ZNF335: variants seen among roughly 807,000 people sequenced by gnomAD.
The protein encoded by ZNF335 is NRC-interacting factor 1.
In ZNF335, 84 loss-of-function variants were observed where a neutral mutation model predicts 145.6. The ratio of observed to expected loss-of-function variants is 0.58; its 90% CI spans 0.48 to 0.69. ZNF335 has a LOEUF of 0.69. ZNF335 is among the 30% of genes least tolerant of loss of function. The pLI is 0.00. For synonymous variants in ZNF335, 761 were observed against 717.0 expected (o/e 1.06, Z -0.98); for missense variants, 1,865 against 1,809.7 (o/e 1.03, Z -0.55).
At chr20:45,954,763 A>G (rs1403855874) in intron 17 of ZNF335, among the ~76,000 whole-genome samples, 2 of 144,818 alleles carry the variant, frequency 1.4e-5, no homozygotes, top group Non-Finnish European at 3.0e-5. Context: ...TTACGGTCAT[A>G]CAATTACTTT....
rs1397973180 is a variant in ZNF335, at chr20:45,971,848, C to G, written c.-51+274G>C. The G allele has an allele frequency of 5.1e-6, 5 of 985,310 alleles. No homozygotes were observed. The African/African-American group carries it at 8.7e-5, about 17-fold the overall frequency. 61.0% of individuals were successfully genotyped at this position (985,310 alleles called of 1,614,324 possible). A position where few individuals can be genotyped will look rare whatever the true frequency, so the allele number is the denominator to read the frequency against. ...CCTGGGTCAGTGGTTCGCTCCCCCC[C>G]GGTTCCCCTGCGGAGGCGGCTGACA... On this transcript the variant is annotated intron_variant, in intron 1 of 27. Coordinates refer to ENST00000322927, the MANE Select transcript of ZNF335 (RefSeq NM_022095.4).
At position 45,965,687 on chromosome 20, in the gene ZNF335, C is replaced by T. The variant is rs761556575; in HGVS notation, c.1043G>A (p.Arg348Gln). ...CTTCCGGGGCCGGCCAGGTCTCCTT[C>T]GGGGCCTTGGGGTACTGGGGGTGGG... Reference protein sequence around the residue: ...QRPTPSTPRPRRRPGRPRKLP... With the variant: ...QRPTPSTPRPQRRPGRPRKLP... Residue 348 changes from arginine to glutamine, a missense_variant, in exon 7 of 28, where the codon CGA (arginine) becomes CAA (glutamine). Transcript: ENST00000322927. 100 of 1,601,304 alleles carry T rather than the reference C, an allele frequency of 6.2e-5. No homozygotes were observed. The highest frequency in any genetic ancestry group is 1.7e-4 in the Middle Eastern group (1 of 5,948).
At chr20:45,953,456 G>A (rs1386469179) in intron 18 of ZNF335, among the ~76,000 whole-genome samples, 2 of 152,230 alleles carry the variant, frequency 1.3e-5, no homozygotes, top group African/African-American at 4.8e-5. Flanking sequence ...AGGGAAATCT[G>A]GGTCTCATGG....
Position 45,957,906 on chromosome 20 carries a change from A to C in ZNF335, c.2276T>G (p.Phe759Cys), listed in dbSNP as rs1169939431. ...CAATGAGGGAGCCTCAGATGACTGG[A>C]AAGTTGTCGCCTCTGGGGGTATCTA... ...PPEIPPEATT[F>C]QSSEAPSLLC... The change falls in exon 16 of 28, where the codon TTC becomes TGC. Residue 759 changes from phenylalanine (F) to cysteine (C), a missense_variant. Coordinates refer to ENST00000322927, the MANE Select transcript of ZNF335 (RefSeq NM_022095.4). The C allele has an allele frequency of 6.2e-7, 1 of 1,613,910 alleles. No individual in the cohort carries two copies. The highest frequency in any genetic ancestry group is 2.2e-5 in the East Asian group (1 of 44,898).
rs2145395355 is a variant in ZNF335 at position 45,962,173 on chromosome 20, A to G, written c.1543T>C (p.Phe515Leu). The change falls in exon 10 of 28, where the codon TTC (phenylalanine) becomes CTC (leucine). Residue 515 changes from phenylalanine to leucine, a missense_variant. By Grantham distance (22) the Phe-to-Leu change is conservative. Transcript: ENST00000322927. ...TAGGGCTTGCTGCCCACGTGGTTGA[A>G]CATGTGCTCCTGGGAGACAGACAAA... ...RRWSSLKEHM[F>L]NHVGSKPYKC... 1 of 1,614,052 alleles carries G rather than the reference A, an allele frequency of 6.2e-7. No homozygotes were observed. Among genetic ancestry groups the G allele is most frequent in the East Asian group, 2.2e-5 (1 of 44,882 alleles).
chr20:45,958,504 CA>C (rs2083769152), intron 15 of ZNF335, among the ~76,000 whole-genome samples: 1 of 152,204 alleles, frequency 6.6e-6, no homozygotes, highest in Non-Finnish European at 1.5e-5. Flanking sequence ...GATCTACCAG[CA>C]AGTCATGTGG....
Position 45,957,901 on chromosome 20 carries a change from A to G in ZNF335, c.2281T>C (p.Ser761Pro). ...CAGAGCAATGAGGGAGCCTCAGATG[A>G]CTGGAAAGTTGTCGCCTCTGGGGGT... Reference protein sequence around the residue: ...EIPPEATTFQSSEAPSLLCSD... With the variant: ...EIPPEATTFQPSEAPSLLCSD... The change falls in exon 16 of 28, where the codon TCA (serine) becomes CCA (proline). Residue 761 changes from serine to proline, a missense_variant. Coordinates refer to ENST00000322927, the MANE Select transcript of ZNF335 (RefSeq NM_022095.4). The G allele has an allele frequency of 1.2e-6, 2 of 1,614,012 alleles. No homozygotes were observed. The highest frequency in any genetic ancestry group is 1.7e-6 in the Non-Finnish European group (2 of 1,180,008).
chr20:45,961,936 T>C, intron 10 of ZNF335, 134 bp downstream of exon 10: 7 of 719,792 alleles, frequency 9.7e-6, no homozygotes, highest in Non-Finnish European at 1.7e-5. Flanking sequence ...TTTCTGCTCA[T>C]GCCTGTAGTG....
Position 45,953,897 on chromosome 20 carries a change from C to T in ZNF335, c.2494G>A (p.Gly832Arg), listed in dbSNP as rs1446671963. The part of the protein sequence containing the change: ...DVEAGLASPG[G>R]QPSPEGATPQ... ...GTGGCACCTTCAGGGGAGGGCTGCC[C>T]ACCAGGGGATGCTAACCCTGCTTCC... The change falls in exon 18 of 28, where the codon GGG (glycine) becomes AGG (arginine). Residue 832 changes from glycine to arginine, a missense_variant. Coordinates refer to ENST00000322927, the MANE Select transcript of ZNF335 (RefSeq NM_022095.4). The T allele has an allele frequency of 1.1e-5, 17 of 1,612,574 alleles. No homozygotes were observed. The highest frequency in any genetic ancestry group is 1.4e-5 in the Non-Finnish European group (17 of 1,179,524).
chr20:45,955,350 C>CAAAAAA lies in ZNF335; in HGVS notation c.2443-1408_2443-1403dup, dbSNP rs61555698. 4.3e-4 allele frequency among the ~76,000 whole-genome samples: 16 copies of CAAAAAA among 37,328 alleles called. 2 individuals are homozygous for CAAAAAA. The East Asian group carries it at 6.9e-3, about 16-fold the overall frequency. The allele number at this position is 37,328 out of a possible 152,430, so 24.5% of individuals were successfully genotyped here. A position where few individuals can be genotyped will look rare whatever the true frequency, so the allele number is the denominator to read the frequency against. On this transcript the variant is annotated intron_variant, in intron 17 of 27. Transcript: ENST00000322927. ...TGGGCAACAGAGCAAGACTCTGTCT[C>CAAAAAA]AAAAAAAAAAAAAAAAAAAAGATTT...
chr20:45,951,561 T>C (rs2083632420), intron 20 of ZNF335, among the ~76,000 whole-genome samples: 1 of 152,182 alleles, frequency 6.6e-6, no homozygotes, highest in Admixed American at 6.5e-5. Flanking sequence ...CATCAGATAT[T>C]AGTTAGATTC....
chr20:45,963,414 T>A, intron 9 of ZNF335, 59 bp downstream of exon 9: 4 of 1,557,428 alleles, frequency 2.6e-6, no homozygotes, highest in Non-Finnish European at 3.5e-6. Context: ...TGGCACCAGC[T>A]GGCCTCTGCT....
chr20:45,969,088 T>C (rs774360375), intron 3 of ZNF335, among the ~76,000 whole-genome samples: 7 of 152,226 alleles, frequency 4.6e-5, no homozygotes, highest in Non-Finnish European at 8.8e-5. Context: ...GTAAGTTATG[T>C]ATGTCCTTGG....
intron 20 of ZNF335, among the ~76,000 whole-genome samples, chr20:45,951,118 C>A (rs2083623463): frequency 6.6e-6 from 1 of 152,218 alleles, no homozygotes; most frequent in African/African-American, 2.4e-5. Flanking sequence ...TCTCAAACTC[C>A]CGACCTCAGG....
Position 45,959,470 on chromosome 20 carries a change from G to GCCTACCCA in ZNF335, c.2021-38_2021-37insTGGGTAGG, listed in dbSNP as rs776250948. 4.6e-5 allele frequency: 64 copies of GCCTACCCA among 1,377,292 alleles called. 2 individuals are homozygous for GCCTACCCA. In the African/African-American group the frequency reaches 7.4e-4, roughly 16 times the overall value. 85.3% of individuals were successfully genotyped at this position (1,377,292 alleles called of 1,614,324 possible). A position where few individuals can be genotyped will look rare whatever the true frequency, so the allele number is the denominator to read the frequency against. ...TGTTGGGGCATGCTTAAGTCTGCCCGTCCCTAGCCTACCCCCTCCAGGAAT... is the reference window on the plus strand; with the variant it reads ...TGTTGGGGCATGCTTAAGTCTGCCCGCCTACCCATCCCTAGCCTACCCCCTCCAGGAAT... On this transcript the variant is annotated intron_variant, in intron 14 of 27. Transcript: ENST00000322927.
chr20:45,959,158 A>C (rs1433588797), intron 15 of ZNF335, 43 bp downstream of exon 15: 10 of 1,308,854 alleles, frequency 7.6e-6, no homozygotes, highest in Non-Finnish European at 9.9e-6. Flanking sequence ...GGGCTGGGAG[A>C]AGCGGCCTCA....
chr20:45,958,880 C>G (rs552431499), intron 15 of ZNF335, among the ~76,000 whole-genome samples: 28 of 152,328 alleles, frequency 1.8e-4, no homozygotes, highest in African/African-American at 6.5e-4. Context: ...CCTGGGATGA[C>G]TGGGCAAAGA....
At position 45,950,030 on chromosome 20, in the gene ZNF335, C is replaced by T. The variant is rs373788531; in HGVS notation, c.3527G>A (p.Arg1176Gln). Residue 1176 changes from arginine (R) to glutamine (Q), a missense_variant, in exon 23 of 28, where the codon CGG becomes CAG. By Grantham distance (43) the Arg-to-Gln change is conservative. Transcript: ENST00000322927. ...TTCCTGGCTCAGTGCCTGCTGTAGC[C>T]GCTCTGGGCCCAGGACCCCGTGACT... ...QSSHGVLGPE[R>Q]LQQALSQEHI... is the part of the protein sequence containing the mutation. 32 of 1,613,920 alleles carry T rather than the reference C, an allele frequency of 2.0e-5. No individual in the cohort carries two copies. The highest frequency in any genetic ancestry group is 3.3e-5 in the South Asian group (3 of 91,058).
At chr20:45,955,546 C>T (rs1488257934) in intron 17 of ZNF335, among the ~76,000 whole-genome samples, 1 of 151,500 alleles carries the variant, frequency 6.6e-6, no homozygotes, top group Non-Finnish European at 1.5e-5. Context: ...TGGCTGGGTA[C>T]GGTGGCTCAC....
Sources: gnomAD v4.1 joint callset for allele counts (sites outside exome capture counted in the v4.1 genomes callset) on GRCh38, gnomAD v4.1.1 for gene constraint, MANE v1.5 for transcripts, NCBI Gene and HGNC (gene_info 2026-07-23, HGNC 2026-07-21) for gene names.